YEATS4: variants seen among roughly 807,000 people sequenced by gnomAD.
The protein encoded by YEATS4 is YEATS domain-containing protein 4.
Under a neutral mutation model 30.1 loss-of-function variants are expected in YEATS4, and 17 were observed. The observed-to-expected ratio is 0.56, with a 90% CI of 0.39 to 0.85. The LOEUF (loss-of-function observed/expected upper bound fraction) is 0.85, where lower values mean the gene tolerates loss of function less well. Among genes scored for constraint, YEATS4 ranks in the 40% least tolerant of loss-of-function variants. The pLI is 0.00. For missense variants in YEATS4, 142 were observed against 268.3 expected (o/e 0.53, Z 3.29); for synonymous variants, 85 against 87.5 (o/e 0.97, Z 0.16).
rs1868300697 is a variant in YEATS4 at position 69,390,180 on chromosome 12, T to C, written c.548T>C (p.Leu183Ser). ...CTTGAAGTGAAAACCAGAGAAAAAT[T>C]AGAAGCTGCTAAGAAAAAAACAAGC... ...AELEVKTREKLEAAKKKTSFE... is the reference protein window; with the variant it reads ...AELEVKTREKSEAAKKKTSFE... Residue 183 changes from leucine (L) to serine (S), a missense_variant, in exon 7 of 7, where the codon TTA becomes TCA. Coordinates refer to ENST00000247843, the MANE Select transcript of YEATS4 (RefSeq NM_006530.4). The C allele has an allele frequency of 6.3e-7, 1 of 1,590,962 alleles. No homozygotes were observed. Among genetic ancestry groups the C allele is most frequent in the East Asian group, 2.2e-5 (1 of 44,618 alleles).
At chr12:69,411,485 C>T in the YEATS4 span, among the ~76,000 whole-genome samples, 4 of 152,104 alleles carry the variant, frequency 2.6e-5, no homozygotes, top group African/African-American at 9.7e-5. Flanking sequence ...ATGTCCCTAC[C>T]ATTGTAGTGC....
the YEATS4 span, among the ~76,000 whole-genome samples, chr12:69,422,110 C>T: frequency 2.0e-5 from 3 of 151,880 alleles, no homozygotes; most frequent in Non-Finnish European, 2.9e-5. Context: ...AAGATTCTGG[C>T]GAGAGAGGTC....
At position 69,390,395 on chromosome 12, in the gene YEATS4, T is replaced by C. The variant is rs1868303664; in HGVS notation, c.*79T>C. On this transcript the variant is annotated 3_prime_UTR_variant, in exon 7 of 7. Coordinates refer to ENST00000247843, the MANE Select transcript of YEATS4 (RefSeq NM_006530.4). ...ACTGGAGAAATGGACTTACTGCAAA[T>C]GCTGTGATGTTTCTTAGAGGAACTT... 7.5e-7 allele frequency: 1 copy of C among 1,329,780 alleles called. No homozygotes were observed. The highest frequency in any genetic ancestry group is 1.0e-6 in the Non-Finnish European group (1 of 992,470). The allele number at this position is 1,329,780 out of a possible 1,614,324, so 82.4% of individuals were successfully genotyped here. A position where few individuals can be genotyped will look rare whatever the true frequency, so the allele number is the denominator to read the frequency against.
intron 6 of YEATS4, among the ~76,000 whole-genome samples, chr12:69,386,083 A>C (rs1276309705): frequency 6.6e-6 from 1 of 152,236 alleles, no homozygotes; most frequent in Non-Finnish European, 1.5e-5. Flanking sequence ...AATTAAAAAC[A>C]GAAACTTTTC....
At chr12:69,402,987 T>A in the YEATS4 span, among the ~76,000 whole-genome samples, 2 of 151,900 alleles carry the variant, frequency 1.3e-5, no homozygotes, top group Non-Finnish European at 2.9e-5. Flanking sequence ...CCTCCCAAAG[T>A]GCTGGGATTA....
At chr12:69,418,586 G>T in the YEATS4 span, among the ~76,000 whole-genome samples, 2 of 152,202 alleles carry the variant, frequency 1.3e-5, no homozygotes, top group Admixed American at 1.3e-4. Context: ...GAATGTATGT[G>T]TTGGAGGGAG....
At chr12:69,412,421 A>G in the YEATS4 span, among the ~76,000 whole-genome samples, 1 of 152,148 alleles carries the variant, frequency 6.6e-6, no homozygotes, top group African/African-American at 2.4e-5. Flanking sequence ...GGAGGCCGAG[A>G]CAGGCAGATC....
At chr12:69,381,884 T>G (rs1565680847) in intron 6 of YEATS4, among the ~76,000 whole-genome samples, 1 of 152,194 alleles carries the variant, frequency 6.6e-6, no homozygotes, top group Non-Finnish European at 1.5e-5. Context: ...AACAAGCTGA[T>G]TAAACAGAGA....
chr12:69,393,060 T>C (rs1013421057), downstream of YEATS4, among the ~76,000 whole-genome samples: 5 of 152,228 alleles, frequency 3.3e-5, no homozygotes, highest in African/African-American at 1.2e-4. Flanking sequence ...AGAAAACATT[T>C]CAGGTACCTG....
chr12:69,401,057 G>C, the YEATS4 span: 1,168 of 152,266 alleles, frequency 7.7e-3, 13 homozygotes, highest in African/African-American at 0.026. Flanking sequence ...GGGAGCAGGG[G>C]ACCACCAGGT....
intron 6 of YEATS4, among the ~76,000 whole-genome samples, chr12:69,375,795 G>C (rs185249192): frequency 2.1e-3 from 324 of 152,220 alleles, no homozygotes; most frequent in Non-Finnish European, 4.0e-3. Context: ...CCAGGCACTC[G>C]GCAGGCTGAG....
chr12:69,391,587 C>T (rs1868315650), downstream of YEATS4, among the ~76,000 whole-genome samples: 1 of 152,118 alleles, frequency 6.6e-6, no homozygotes. Context: ...AAAGTTGTGA[C>T]TTTTGCAATT....
chr12:69,422,650 A>C, the YEATS4 span: 8 of 152,310 alleles, frequency 5.3e-5, no homozygotes, highest in Non-Finnish European at 1.0e-4. Context: ...AAAAAAAAAA[A>C]AAAAAACAAG....
intron 1 of YEATS4, among the ~76,000 whole-genome samples, chr12:69,361,640 A>T (rs987562985): frequency 6.6e-6 from 1 of 152,176 alleles, no homozygotes; most frequent in Non-Finnish European, 1.5e-5. Context: ...AGCACTTTTC[A>T]CATGTGGTAA....
At chr12:69,408,215 A>G in the YEATS4 span, among the ~76,000 whole-genome samples, 1 of 152,154 alleles carries the variant, frequency 6.6e-6, no homozygotes, top group Non-Finnish European at 1.5e-5. Flanking sequence ...GTCATCAAAG[A>G]TCCTTCGAAC....
chr12:69,398,264 T>C, the YEATS4 span, among the ~76,000 whole-genome samples: 1 of 152,120 alleles, frequency 6.6e-6, no homozygotes, highest in Non-Finnish European at 1.5e-5. Flanking sequence ...AAATGATCTC[T>C]ATTTGGAGAT....
chr12:69,417,009 G>C, the YEATS4 span, among the ~76,000 whole-genome samples: 111 of 151,642 alleles, frequency 7.3e-4, no homozygotes, highest in Admixed American at 2.2e-3. Flanking sequence ...GGAGGCGGAG[G>C]TTGCAGTGAG....
At chr12:69,400,192 A>G in the YEATS4 span, among the ~76,000 whole-genome samples, 5 of 152,228 alleles carry the variant, frequency 3.3e-5, no homozygotes, top group South Asian at 1.0e-3. Flanking sequence ...ACTCAAGACA[A>G]GCCAGTGAGT....
chr12:69,412,761 T>C, the YEATS4 span, among the ~76,000 whole-genome samples: 2 of 152,076 alleles, frequency 1.3e-5, no homozygotes, highest in Non-Finnish European at 2.9e-5. Flanking sequence ...AAGATTCGAG[T>C]GCATAGGCTT....
Sources: allele counts gnomAD v4.1 joint callset (sites outside exome capture counted in the v4.1 genomes callset), GRCh38; gene constraint gnomAD v4.1.1; transcripts MANE v1.5; gene names NCBI Gene and HGNC (gene_info 2026-07-23, HGNC 2026-07-21).